PLB1: variants seen among roughly 807,000 people sequenced by gnomAD.
PLB1 encodes the protein phospholipase B1, membrane-associated.
Under a neutral mutation model 227.4 loss-of-function variants are expected in PLB1, and 242 were observed. That is an observed-to-expected ratio of 1.06 (90% CI 0.96 to 1.18). The LOEUF is 1.18. Ranked by LOEUF, PLB1 falls within the 50% of genes most tolerant of loss-of-function variation. The pLI is 0.00. For missense variants in PLB1, 1,858 were observed against 1,816.3 expected, an observed-to-expected ratio of 1.02 and a Z score of -0.42; for synonymous variants, 757 against 682.2, an observed-to-expected ratio of 1.11 and a Z score of -1.71.
At chr2:28,594,089 C>T (rs570004560) in intron 33 of PLB1, 151 of 610,910 alleles carry the variant, frequency 2.5e-4, no homozygotes, top group Middle Eastern at 1.4e-3. Flanking sequence ...TACGTGTACA[C>T]GTGGTGTTCC....
At chr2:28,597,135 G>T (rs1031833328) in intron 33 of PLB1, among the ~76,000 whole-genome samples, 3 of 151,550 alleles carry the variant, frequency 2.0e-5, no homozygotes, top group African/African-American at 7.3e-5. Flanking sequence ...ATGGTGGCGG[G>T]TACCTGTAGT....
chr2:28,544,019 T>C (rs1294436478), intron 14 of PLB1, among the ~76,000 whole-genome samples: 3 of 152,234 alleles, frequency 2.0e-5, no homozygotes, highest in Non-Finnish European at 2.9e-5. Flanking sequence ...AGCTGCCTTA[T>C]TTTTAGAATT....
intron 1 of PLB1, among the ~76,000 whole-genome samples, chr2:28,513,139 G>T (rs1668467250): frequency 6.6e-6 from 1 of 152,082 alleles, no homozygotes; most frequent in African/African-American, 2.4e-5. Context: ...CTTGACTATG[G>T]TTTATTTAAT....
chr2:28,605,351 G>T (rs1684519539), intron 41 of PLB1, among the ~76,000 whole-genome samples: 1 of 152,162 alleles, frequency 6.6e-6, no homozygotes, highest in Non-Finnish European at 1.5e-5. Flanking sequence ...CTGGAAAGCA[G>T]GAAGGAGAGC....
chr2:28,637,593 A>G (rs934731719), intron 56 of PLB1, among the ~76,000 whole-genome samples: 1 of 152,210 alleles, frequency 6.6e-6, no homozygotes, highest in Non-Finnish European at 1.5e-5. Flanking sequence ...AGCACAGCAC[A>G]CTAGGCCTCT....
chr2:28,540,553 C>T, intron 12 of PLB1, 112 bp downstream of exon 12: 2 of 818,442 alleles, frequency 2.4e-6, no homozygotes, highest in East Asian at 2.7e-5. Context: ...AGGACTTCTC[C>T]AGCTGAATTC....
rs1558950241 is a variant in PLB1, at chr2:28,626,519, G to GACCA, written c.3660+15_3660+18dup. The GACCA allele has an allele frequency of 5.0e-6, 8 of 1,611,920 alleles. No homozygotes were observed. The highest frequency in any genetic ancestry group is 5.9e-6 in the Non-Finnish European group (7 of 1,178,030). ...TACTGTGAGAATCCGGTAGGCCCCC[G>GACCA]ACCAACCCCATGGGGACCTGAGAAG... On this transcript the variant is annotated intron_variant, in intron 51 of 57. Coordinates refer to ENST00000327757, the MANE Select transcript of PLB1 (RefSeq NM_153021.5).
At chr2:28,628,140 G>A (rs144763107) in intron 51 of PLB1, among the ~76,000 whole-genome samples, 74 of 152,290 alleles carry the variant, frequency 4.9e-4, no homozygotes, top group African/African-American at 1.6e-3. Context: ...GAACACAGGA[G>A]AGCAAAACAT....
At position 28,643,859 on chromosome 2, in the gene PLB1, C is replaced by T. The variant is rs1308590845; in HGVS notation, c.*798C>T. The T allele has an allele frequency of 6.6e-6, 1 of 152,186 alleles. No individual in the cohort carries two copies. The highest frequency in any genetic ancestry group is 2.4e-5 in the African/African-American group (1 of 41,454). The allele number at this position is 152,186 out of a possible 1,614,324, so 9.4% of individuals were successfully genotyped here. ...GGAAAAAATTCCTATTTCTATATGC[C>T]CAGGTTTCTGAGGGAAAACTAGAGA... On this transcript the variant is annotated 3_prime_UTR_variant, in exon 58 of 58. Transcript: ENST00000327757.
intron 17 of PLB1, among the ~76,000 whole-genome samples, chr2:28,560,673 T>C (rs1222485570): frequency 6.6e-6 from 1 of 152,148 alleles, no homozygotes; most frequent in Admixed American, 6.5e-5. Context: ...TATTGATAGA[T>C]GCTACAACAT....
rs1684122245 is a variant in PLB1 at position 28,602,854 on chromosome 2, C to T, written c.2707C>T (p.Leu903=). 6.2e-7 allele frequency: 1 copy of T among 1,614,058 alleles called. No individual in the cohort carries two copies. The change falls in exon 39 of 58, where the codon CTG becomes TTG. Residue 903 remains leucine (L), a synonymous_variant. Coordinates refer to ENST00000327757, the MANE Select transcript of PLB1 (RefSeq NM_153021.5). ...AGTCCTGGTCAACCTCGTGGACTTC[C>T]TGAACCCCACTATCATGCGGCAGGT... ...PRVLVNLVDF[L]NPTIMRQVFL...
intron 45 of PLB1, 104 bp downstream of exon 45, chr2:28,617,891 A>G: frequency 1.7e-6 from 2 of 1,197,506 alleles, no homozygotes; most frequent in Non-Finnish European, 2.5e-6. Flanking sequence ...AGGACTTGCT[A>G]ATTCCCCTGC....
At chr2:28,546,132 G>A (rs929804909) in intron 14 of PLB1, among the ~76,000 whole-genome samples, 2 of 152,222 alleles carry the variant, frequency 1.3e-5, no homozygotes, top group Non-Finnish European at 2.9e-5. Context: ...GCTGAGTGAG[G>A]CCTCCAGGCT....
chr2:28,516,448 C>T (rs557866104), intron 1 of PLB1, among the ~76,000 whole-genome samples: 10 of 152,206 alleles, frequency 6.6e-5, no homozygotes, highest in African/African-American at 2.2e-4. Context: ...GGATCTGCAA[C>T]AACAGTAACT....
rs1476325138 is a variant in PLB1 at position 28,579,641 on chromosome 2, G to A, written c.1500G>A (p.Gln500=). The change falls in exon 23 of 58, where the codon CAG becomes CAA. Residue 500 remains glutamine (Q), a synonymous_variant. Coordinates refer to ENST00000327757, the MANE Select transcript of PLB1 (RefSeq NM_153021.5). ...LMKNDTRIHF[Q]EDWKIITLFI... ...ATTCATTTCAGAGGATACACTTTCA[G>A]GAAGACTGGAAGATAATAACCCTGT... 2 of 1,612,410 alleles carry A rather than the reference G, an allele frequency of 1.2e-6. No individual in the cohort carries two copies. The highest frequency in any genetic ancestry group is 2.2e-5 in the South Asian group (2 of 91,038).
chr2:28,576,717 G>T (rs897860555), intron 21 of PLB1, among the ~76,000 whole-genome samples: 2 of 152,162 alleles, frequency 1.3e-5, no homozygotes, highest in Non-Finnish European at 2.9e-5. Flanking sequence ...GCGATAGCAC[G>T]AGACTCAGTC....
intron 43 of PLB1, among the ~76,000 whole-genome samples, chr2:28,613,010 C>G (rs13409705): frequency 0.15 from 22,211 of 151,926 alleles, 2,157 homozygotes; most frequent in Middle Eastern, 0.22. Flanking sequence ...ACCACAAACT[C>G]CTGGGTTCAA....
At position 28,598,740 on chromosome 2, in the gene PLB1, T is replaced by G; in HGVS notation, c.2454T>G (p.Ala818=). 1 of 1,614,102 alleles carries G rather than the reference T, an allele frequency of 6.2e-7. No individual in the cohort carries two copies. Among genetic ancestry groups the G allele is most frequent in the African/African-American group, 1.3e-5 (1 of 75,062 alleles). The change falls in exon 35 of 58, where the codon GCT becomes GCG. Residue 818 remains alanine (A), a synonymous_variant. Coordinates refer to ENST00000327757, the MANE Select transcript of PLB1 (RefSeq NM_153021.5). The part of the protein sequence containing the change: ...ANDTNAFLNQ[A]VPGAKAEDLM... The stretch of plus-strand genomic sequence containing the variant: ...ACACGAATGCATTCCTCAATCAAGC[T>G]GTTCCCGGAGCAAAGGCTGAGTATG...
In PLB1 at chr2:28,582,102, T is replaced by C; in HGVS notation, c.1601T>C (p.Ile534Thr). 4.3e-6 allele frequency: 7 copies of C among 1,613,990 alleles called. No individual in the cohort carries two copies. Among genetic ancestry groups the C allele is most frequent in the East Asian group, 2.2e-5 (1 of 44,882 alleles). The change falls in exon 24 of 58, where the codon ATT becomes ACT. Residue 534 changes from isoleucine to threonine, a missense_variant. Coordinates refer to ENST00000327757, the MANE Select transcript of PLB1 (RefSeq NM_153021.5). Reference protein sequence around the residue: ...HYSPQNFTDNIGKALDILHAE... With the variant: ...HYSPQNFTDNTGKALDILHAE... Reference sequence around the variant, plus strand: ...TCTCCCCAGAACTTCACAGACAACATTGGAAAGGCCCTGGACATCCTCCAT... The same window carrying C: ...TCTCCCCAGAACTTCACAGACAACACTGGAAAGGCCCTGGACATCCTCCAT...
Sources: gnomAD v4.1 joint callset for allele counts (sites outside exome capture counted in the v4.1 genomes callset) on GRCh38, gnomAD v4.1.1 for gene constraint, MANE v1.5 for transcripts, NCBI Gene and HGNC (gene_info 2026-07-23, HGNC 2026-07-21) for gene names.